The following TBC1D14 variants were observed in gnomAD, a reference collection of about 807,000 sequenced individuals.
TBC1D14 encodes the protein TBC1 domain family member 14.
In TBC1D14, 26 loss-of-function variants were observed where a neutral mutation model predicts 79.0. That is an observed-to-expected ratio of 0.33 (90% CI 0.24 to 0.46). The LOEUF (loss-of-function observed/expected upper bound fraction) is 0.46. TBC1D14 is among the 20% of genes least tolerant of loss of function. The pLI, the probability that TBC1D14 is intolerant of heterozygous loss-of-function variation, is 1.00. For missense variants in TBC1D14, 769 were observed against 887.6 expected (o/e 0.87, Z 1.70); for synonymous variants, 394 against 349.9 (o/e 1.13, Z -1.40).
intron 1 of TBC1D14, among the ~76,000 whole-genome samples, chr4:6,917,902 G>A (rs1260375165): frequency 2.0e-5 from 3 of 152,190 alleles, no homozygotes; most frequent in African/African-American, 7.2e-5. Context: ...TTGAGGACAG[G>A]TCGCCTTGGC....
chr4:6,989,100 T>C (rs1036538941), intron 3 of TBC1D14, among the ~76,000 whole-genome samples: 4 of 152,102 alleles, frequency 2.6e-5, no homozygotes, highest in African/African-American at 9.7e-5. Context: ...TTAAAACAAA[T>C]GTGCATTGAA....
At chr4:6,934,743 G>A (rs768227713) in intron 2 of TBC1D14, among the ~76,000 whole-genome samples, 9 of 152,140 alleles carry the variant, frequency 5.9e-5, no homozygotes, top group Non-Finnish European at 2.9e-5. Flanking sequence ...AGCTGTTTTC[G>A]TGAAGTGGTG....
intron 3 of TBC1D14, among the ~76,000 whole-genome samples, chr4:6,986,724 G>T (rs1198567027): frequency 6.6e-6 from 1 of 152,180 alleles, no homozygotes; most frequent in Non-Finnish European, 1.5e-5. Context: ...AAAACCTGAG[G>T]TCTCATCGAC....
intron 2 of TBC1D14, among the ~76,000 whole-genome samples, chr4:6,965,312 T>C (rs899323310): frequency 2.6e-5 from 4 of 152,156 alleles, no homozygotes; most frequent in Admixed American, 2.0e-4. Flanking sequence ...CATGAGCCAC[T>C]GCACCTGGCC....
At chr4:6,969,525 C>T (rs1348269222) in intron 3 of TBC1D14, among the ~76,000 whole-genome samples, 1 of 152,132 alleles carries the variant, frequency 6.6e-6, no homozygotes. Flanking sequence ...CCTGCCTCAG[C>T]CTCCCCAGTA....
rs1428193121 is a variant in TBC1D14, at chr4:7,010,710, G to A, written c.1576G>A (p.Ala526Thr). ...GATCTTGAACTTAGATACTGCAGAT[G>A]CCTTTATTGCCTTTTCTAACCTTCT... ...VLILNLDTADAFIAFSNLLNK... is the reference protein window; with the variant it reads ...VLILNLDTADTFIAFSNLLNK... The change falls in exon 11 of 14, where the codon GCC (alanine) becomes ACC (threonine). Residue 526 changes from alanine to threonine, a missense_variant. This residue lies in a region of TBC1D14 where 367 missense variants were observed against 494.4 expected (regional missense o/e 0.74). Coordinates refer to ENST00000409757, the MANE Select transcript of TBC1D14 (RefSeq NM_020773.3). The A allele has an allele frequency of 1.3e-5, 21 of 1,613,768 alleles. No individual in the cohort carries two copies. Among genetic ancestry groups the A allele is most frequent in the Non-Finnish European group, 1.7e-5 (20 of 1,179,914 alleles).
intron 2 of TBC1D14, among the ~76,000 whole-genome samples, chr4:6,951,969 C>T (rs1204955821): frequency 2.0e-5 from 3 of 152,046 alleles, no homozygotes; most frequent in African/African-American, 4.8e-5. Context: ...AGGAGACTGG[C>T]GATGAGGCGG....
chr4:6,972,696 T>C (rs1403836765), intron 3 of TBC1D14, among the ~76,000 whole-genome samples: 3 of 152,136 alleles, frequency 2.0e-5, no homozygotes, highest in African/African-American at 7.2e-5. Context: ...AGGAAGGGGC[T>C]TTACTGGCCC....
intron 6 of TBC1D14, 73 bp from the exon 7 acceptor site, chr4:7,001,072 G>C (rs1181540237): frequency 3.0e-6 from 4 of 1,315,128 alleles, no homozygotes; most frequent in Non-Finnish European, 4.3e-6. Context: ...TTGGTGGTTC[G>C]GGGCTAGGCA....
At chr4:6,993,075 C>G (rs570177102) in intron 3 of TBC1D14, among the ~76,000 whole-genome samples, 25 of 152,252 alleles carry the variant, frequency 1.6e-4, no homozygotes, top group African/African-American at 6.0e-4. Flanking sequence ...ATAATTTCAC[C>G]AGTAACACGC....
At chr4:6,929,349 A>G (rs1378701959) in intron 2 of TBC1D14, among the ~76,000 whole-genome samples, 1 of 152,224 alleles carries the variant, frequency 6.6e-6, no homozygotes, top group Non-Finnish European at 1.5e-5. Context: ...GAAGATTCGA[A>G]GGTGGGCAGA....
intron 9 of TBC1D14, among the ~76,000 whole-genome samples, chr4:7,008,235 G>A (rs1301853614): frequency 6.6e-6 from 1 of 152,204 alleles, no homozygotes; most frequent in African/African-American, 2.4e-5. Context: ...GAGGTGGTGG[G>A]CGGAGGCCAA....
rs1718797927 is a variant in TBC1D14, at chr4:6,994,372, C to T, written c.962+70C>T. On this transcript the variant is annotated intron_variant, in intron 4 of 13. Coordinates refer to ENST00000409757, the MANE Select transcript of TBC1D14 (RefSeq NM_020773.3). ...AAGTACAACTTGCTAAGCAGCTTTT[C>T]ATTAGAGAAAAACTAGGGTCAGAAA... 4.9e-6 allele frequency: 7 copies of T among 1,415,848 alleles called. 1 individual carries two copies. The highest frequency in any genetic ancestry group is 3.5e-4 in the Middle Eastern group (2 of 5,686). The allele number at this position is 1,415,848 out of a possible 1,614,324, so 87.7% of individuals were successfully genotyped here.
chr4:7,029,811 C>T (rs578080475), intron 13 of TBC1D14, among the ~76,000 whole-genome samples: 43 of 152,188 alleles, frequency 2.8e-4, no homozygotes, highest in African/African-American at 9.2e-4. Context: ...GGTGACAGAG[C>T]GAGACTCCAT....
chr4:6,987,000 G>T lies in TBC1D14; in HGVS notation c.844-7184G>T, dbSNP rs955234170. Among the ~76,000 whole-genome samples the T allele has an allele frequency of 3.3e-5, 5 of 152,246 alleles. No homozygotes were observed. The East Asian group carries it at 9.6e-4, about 29-fold the overall frequency. ...TCTCAGCTCTCGGGTGATCTTTAAGGCAGAAGCTGGCTCTCCGCCTGTCGG... is the reference window on the plus strand; with the variant it reads ...TCTCAGCTCTCGGGTGATCTTTAAGTCAGAAGCTGGCTCTCCGCCTGTCGG... On this transcript the variant is annotated intron_variant, in intron 3 of 13. Transcript: ENST00000409757.
intron 13 of TBC1D14, among the ~76,000 whole-genome samples, chr4:7,026,571 C>A (rs1722397572): frequency 6.6e-6 from 1 of 152,042 alleles, no homozygotes; most frequent in African/African-American, 2.4e-5. Flanking sequence ...ACTTTTTAGC[C>A]CTCTCTTGCT....
At chr4:6,991,262 T>G (rs1235727511) in intron 3 of TBC1D14, among the ~76,000 whole-genome samples, 2 of 152,238 alleles carry the variant, frequency 1.3e-5, no homozygotes, top group African/African-American at 4.8e-5. Flanking sequence ...TTGTGAAAAC[T>G]ACTGAGACTG....
rs189444088 is a variant in TBC1D14, at chr4:6,986,446, C to T, written c.844-7738C>T. Among the ~76,000 whole-genome samples the T allele has an allele frequency of 2.6e-3, 391 of 152,356 alleles. 2 individuals carry two copies. Among genetic ancestry groups the T allele is most frequent in the African/African-American group, 8.0e-3 (331 of 41,582 alleles). ...GAATTCCAGCTTCTCTAAGTCTTTG[C>T]TATCACTTGCCATTGTCCTTTTTAT... is the stretch of plus-strand genomic sequence containing the variant. On this transcript the variant is annotated intron_variant, in intron 3 of 13. Transcript: ENST00000409757.
intron 2 of TBC1D14, among the ~76,000 whole-genome samples, chr4:6,965,380 A>C (rs1327786115): frequency 6.6e-6 from 1 of 152,098 alleles, no homozygotes; most frequent in African/African-American, 2.4e-5. Context: ...TTTTCATGAC[A>C]TTGACATTTT....
Sources: allele counts gnomAD v4.1 joint callset (sites outside exome capture counted in the v4.1 genomes callset), GRCh38; gene constraint gnomAD v4.1.1; regional missense constraint gnomAD v4.1.1; transcripts MANE v1.5; gene names NCBI Gene and HGNC (gene_info 2026-07-23, HGNC 2026-07-21).